MBNL1: variants seen among roughly 807,000 people sequenced by gnomAD.
The protein encoded by MBNL1 is muscleblind like splicing regulator 1.
In MBNL1, 8 loss-of-function variants were observed where a neutral mutation model predicts 42.2. That is an observed-to-expected ratio of 0.19 (90% CI 0.11 to 0.34). The LOEUF is 0.34. Among genes scored for constraint, MBNL1 ranks in the 10% least tolerant of loss-of-function variants. The probability of loss-of-function intolerance (pLI) is 1.00; values close to 1 mark genes in which losing one functional copy is unlikely to be tolerated. For missense variants in MBNL1, 309 were observed against 495.3 expected, an observed-to-expected ratio of 0.62 and a Z score of 3.57; for synonymous variants, 169 against 173.9, an observed-to-expected ratio of 0.97 and a Z score of 0.22.
intron 2 of MBNL1, chr3:152,335,081 C>G: frequency 7.9e-7 from 1 of 1,261,340 alleles, no homozygotes; most frequent in Non-Finnish European, 1.0e-6. Context: ...AGTGGCTGAC[C>G]TGGCATATCC....
intron 2 of MBNL1, among the ~76,000 whole-genome samples, chr3:152,410,558 A>C (rs140539011): frequency 1.7e-3 from 252 of 152,350 alleles, no homozygotes; most frequent in Admixed American, 4.1e-3. Flanking sequence ...TTGTTGGATT[A>C]ATTCTATTTT....
At chr3:152,359,223 A>C (rs1377141604) in intron 2 of MBNL1, among the ~76,000 whole-genome samples, 2 of 152,242 alleles carry the variant, frequency 1.3e-5, no homozygotes, top group African/African-American at 4.8e-5. Context: ...AGTAAGTTTC[A>C]AGTCATTTGA....
At chr3:152,309,423 C>T (rs1161149942) in intron 2 of MBNL1, among the ~76,000 whole-genome samples, 3 of 152,150 alleles carry the variant, frequency 2.0e-5, no homozygotes, top group Non-Finnish European at 2.9e-5. Context: ...CCTGTTTTCT[C>T]CAGACCTCAT....
At chr3:152,425,313 C>T (rs1341879039) in intron 3 of MBNL1, among the ~76,000 whole-genome samples, 2 of 151,990 alleles carry the variant, frequency 1.3e-5, no homozygotes, top group South Asian at 2.1e-4. Flanking sequence ...AGCTCATCAT[C>T]GGTGGTCATT....
At chr3:152,370,042 T>C (rs2153229056) in intron 2 of MBNL1, among the ~76,000 whole-genome samples, 1 of 152,330 alleles carries the variant, frequency 6.6e-6, no homozygotes, top group South Asian at 2.1e-4. Flanking sequence ...ATTTCTTGTC[T>C]TCTGCTAGCT....
At chr3:152,386,083 C>A (rs2097404720) in intron 2 of MBNL1, among the ~76,000 whole-genome samples, 1 of 151,722 alleles carries the variant, frequency 6.6e-6, no homozygotes, top group African/African-American at 2.4e-5. Context: ...AGTTATTTTT[C>A]AAAGAGCACA....
chr3:152,398,637 T>C (rs1292102906), intron 2 of MBNL1, among the ~76,000 whole-genome samples: 1 of 152,204 alleles, frequency 6.6e-6, no homozygotes, highest in Non-Finnish European at 1.5e-5. Flanking sequence ...AATTACTTAA[T>C]TGGTCTCCCC....
chr3:152,256,365 T>C lies in MBNL1; in HGVS notation n.333+11925T>C, dbSNP rs544184378. Among the ~76,000 whole-genome samples the C allele has an allele frequency of 6.6e-5, 10 of 152,308 alleles. No individual in the cohort carries two copies. In the South Asian group the frequency reaches 2.1e-3, roughly 32 times the overall value. ...CTGATTTCTGATAATGGTGTCATCA[T>C]GCAACCTAGTTTCTGCATGGATGAA... On this transcript the variant is annotated intron_variant and non_coding_transcript_variant, in intron 2 of 2. Transcript: ENST00000477171.
intron 3 of MBNL1, among the ~76,000 whole-genome samples, chr3:152,418,037 T>C (rs1329878283): frequency 6.6e-6 from 1 of 152,190 alleles, no homozygotes; most frequent in Non-Finnish European, 1.5e-5. Flanking sequence ...TTCCCATTTT[T>C]ATACACTTTG....
chr3:152,367,639 C>A (rs2096465907), intron 2 of MBNL1, among the ~76,000 whole-genome samples: 1 of 152,144 alleles, frequency 6.6e-6, no homozygotes, highest in African/African-American at 2.4e-5. Flanking sequence ...ATTTACAGTC[C>A]CACCAACAGT....
chr3:152,252,460 C>G (rs1454018316), intron 2 of MBNL1, among the ~76,000 whole-genome samples: 1 of 151,502 alleles, frequency 6.6e-6, no homozygotes, highest in Non-Finnish European at 1.5e-5. Context: ...CTTTTTTTAA[C>G]CTGTAGAGAT....
At chr3:152,317,336 T>A (rs1190285502) in intron 2 of MBNL1, among the ~76,000 whole-genome samples, 2 of 152,160 alleles carry the variant, frequency 1.3e-5, no homozygotes, top group Non-Finnish European at 1.5e-5. Flanking sequence ...AAAAATTTTT[T>A]TTTCAGAGAC....
At chr3:152,305,116 T>C (rs1300398483) in intron 2 of MBNL1, among the ~76,000 whole-genome samples, 1 of 152,224 alleles carries the variant, frequency 6.6e-6, no homozygotes, top group African/African-American at 2.4e-5. Context: ...TTCAGTTTCA[T>C]TGTAATTCAG....
intron 1 of MBNL1, among the ~76,000 whole-genome samples, chr3:152,298,153 C>CT (rs1251070824): frequency 6.6e-6 from 1 of 151,938 alleles, no homozygotes; most frequent in Non-Finnish European, 1.5e-5. Context: ...ATAAATATAC[C>CT]ATATGCCAAT....
At chr3:152,332,739 T>TGTGC (rs1256022678) in intron 2 of MBNL1, among the ~76,000 whole-genome samples, 1,961 of 115,524 alleles carry the variant, frequency 0.017, 35 homozygotes, top group Admixed American at 0.028. Flanking sequence ...TGTGTGTGTG[T>TGTGC]GCGCGCGCGC....
chr3:152,256,871 C>CAGT (rs2035511459), intron 2 of MBNL1, among the ~76,000 whole-genome samples: 1 of 152,160 alleles, frequency 6.6e-6, no homozygotes, highest in Non-Finnish European at 1.5e-5. Flanking sequence ...AAAAACATTA[C>CAGT]CTGGCCTTGG....
At chr3:152,250,826 T>C (rs2034400128) in intron 2 of MBNL1, among the ~76,000 whole-genome samples, 1 of 152,074 alleles carries the variant, frequency 6.6e-6, no homozygotes, top group Non-Finnish European at 1.5e-5. Flanking sequence ...GTTTTTGGCA[T>C]GAAGGGTTGT....
chr3:152,324,985 G>T (rs1470484847), intron 2 of MBNL1, among the ~76,000 whole-genome samples: 1 of 145,930 alleles, frequency 6.9e-6, no homozygotes, highest in Non-Finnish European at 1.5e-5. Flanking sequence ...CATGTACAGT[G>T]GGTCATCTAC....
intron 3 of MBNL1, among the ~76,000 whole-genome samples, chr3:152,431,953 C>G (rs977423501): frequency 6.6e-6 from 1 of 152,204 alleles, no homozygotes; most frequent in Non-Finnish European, 1.5e-5. Context: ...GGAAGAAATT[C>G]TGTCTTGTAG....
Sources: allele counts gnomAD v4.1 joint callset (sites outside exome capture counted in the v4.1 genomes callset), GRCh38; gene constraint gnomAD v4.1.1; transcripts MANE v1.5; gene names NCBI Gene and HGNC (gene_info 2026-07-23, HGNC 2026-07-21).